CUEDC1: variants seen among roughly 807,000 people sequenced by gnomAD.
The protein encoded by CUEDC1 is CUE domain containing 1.
Under a neutral mutation model 43.7 loss-of-function variants are expected in CUEDC1, and 30 were observed. That is an observed-to-expected ratio of 0.69 (90% confidence interval 0.51 to 0.93). The LOEUF is 0.93. Ranked by LOEUF, CUEDC1 falls within the 40% of genes least tolerant of loss-of-function variation. The pLI, the probability that CUEDC1 is intolerant of heterozygous loss-of-function variation, is 0.00. For synonymous variants in CUEDC1, 223 were observed against 223.6 expected (o/e 1.00, Z 0.02); for missense variants, 486 against 549.0 (o/e 0.89, Z 1.15).
intron 1 of CUEDC1, among the ~76,000 whole-genome samples, chr17:57,944,795 G>A (rs1057407407): frequency 6.6e-5 from 10 of 152,252 alleles, no homozygotes; most frequent in African/African-American, 1.9e-4. Context: ...GAAGTCCCAC[G>A]GATCAGCATC....
intron 1 of CUEDC1, among the ~76,000 whole-genome samples, chr17:57,894,236 T>C (rs1568040402): frequency 6.6e-6 from 1 of 152,030 alleles, no homozygotes; most frequent in Non-Finnish European, 1.5e-5. Flanking sequence ...GGGGTGAGGC[T>C]GGGGGCAGCC....
intron 1 of CUEDC1, among the ~76,000 whole-genome samples, chr17:57,925,251 A>AG (rs946889235): frequency 6.1e-4 from 93 of 152,304 alleles, no homozygotes; most frequent in African/African-American, 2.1e-3. Flanking sequence ...TAAACTACCC[A>AG]GGGGGCAAGG....
chr17:57,913,519 T>A (rs1259062283), intron 1 of CUEDC1, among the ~76,000 whole-genome samples: 1 of 152,026 alleles, frequency 6.6e-6, no homozygotes, highest in South Asian at 2.1e-4. Flanking sequence ...TGAATCAGAA[T>A]TTCCTGAGGT....
intron 3 of CUEDC1, among the ~76,000 whole-genome samples, chr17:57,874,442 C>T (rs181674205): frequency 7.2e-5 from 11 of 152,330 alleles, no homozygotes; most frequent in African/African-American, 2.6e-4. Context: ...TCTGGGGCCG[C>T]TCTTTCCAGG....
chr17:57,880,132 G>T (rs943837113), intron 2 of CUEDC1, among the ~76,000 whole-genome samples: 1 of 152,208 alleles, frequency 6.6e-6, no homozygotes, highest in African/African-American at 2.4e-5. Context: ...GGGGATGATG[G>T]TTATTGAGCT....
intron 1 of CUEDC1, among the ~76,000 whole-genome samples, chr17:57,933,592 T>G (rs1047895847): frequency 6.6e-6 from 1 of 152,170 alleles, no homozygotes; most frequent in Admixed American, 6.5e-5. Flanking sequence ...TGATCTAGCC[T>G]TGGAACGAGA....
At chr17:57,874,869 G>C (rs1028465060) in intron 3 of CUEDC1, among the ~76,000 whole-genome samples, 5 of 151,930 alleles carry the variant, frequency 3.3e-5, no homozygotes, top group African/African-American at 1.2e-4. Flanking sequence ...CGGCGGGGGC[G>C]AGGGGAAGGG....
chr17:57,917,051 A>G (rs1336883368), intron 1 of CUEDC1, among the ~76,000 whole-genome samples: 2 of 152,224 alleles, frequency 1.3e-5, no homozygotes, highest in East Asian at 3.9e-4. Flanking sequence ...TGAGCAGGCT[A>G]AGCGCCTGAG....
In CUEDC1 at chr17:57,879,640, G is replaced by A; in HGVS notation, c.435C>T (p.Tyr145=). The A allele has an allele frequency of 6.2e-7, 1 of 1,604,612 alleles. No individual in the cohort carries two copies. Among genetic ancestry groups the A allele is most frequent in the African/African-American group, 1.3e-5 (1 of 74,276 alleles). The change falls in exon 3 of 11, where the codon TAC becomes TAT. Residue 145 remains tyrosine, a synonymous_variant. Transcript: ENST00000577830. ...AYHMHVFDRP[Y]PLAPPTPPPR... The stretch of plus-strand genomic sequence containing the variant: ...GAGGCGGAGTCGGGGGAGCCAGAGG[G>A]TAGGGCCGGTCGAACACGTGCATGT...
chr17:57,932,236 C>G (rs746821709), intron 1 of CUEDC1, among the ~76,000 whole-genome samples: 2 of 147,820 alleles, frequency 1.4e-5, no homozygotes, highest in South Asian at 4.3e-4. Context: ...GAGCCGAGAT[C>G]GCGCGACAGC....
chr17:57,929,191 T>A (rs2074778997), intron 1 of CUEDC1, among the ~76,000 whole-genome samples: 1 of 152,182 alleles, frequency 6.6e-6, no homozygotes. Context: ...AAATTCTGTG[T>A]GCTGGGCTCT....
intron 1 of CUEDC1, among the ~76,000 whole-genome samples, chr17:57,927,299 A>T (rs1598014600): frequency 7.0e-6 from 1 of 143,326 alleles, no homozygotes; most frequent in Admixed American, 7.2e-5. Context: ...CCTCCTCCCC[A>T]CTCCCCCCGG....
At chr17:57,907,189 G>A (rs2074538182) in intron 1 of CUEDC1, among the ~76,000 whole-genome samples, 3 of 152,170 alleles carry the variant, frequency 2.0e-5, no homozygotes, top group Admixed American at 2.0e-4. Context: ...ATGCCACAAG[G>A]CTGGGGGAGA....
At chr17:57,903,841 T>C (rs916506835) in intron 1 of CUEDC1, among the ~76,000 whole-genome samples, 1 of 150,328 alleles carries the variant, frequency 6.7e-6, no homozygotes, top group Non-Finnish European at 1.5e-5. Flanking sequence ...GAGGGTGAGA[T>C]GGGAGGATTA....
intron 1 of CUEDC1, among the ~76,000 whole-genome samples, chr17:57,950,411 C>G (rs1009719836): frequency 2.0e-5 from 3 of 152,010 alleles, no homozygotes; most frequent in African/African-American, 7.3e-5. Context: ...CCTCAGCCTG[C>G]TAAAGTGCTA....
intron 1 of CUEDC1, among the ~76,000 whole-genome samples, chr17:57,935,774 A>T (rs1430652219): frequency 6.6e-6 from 1 of 151,926 alleles, no homozygotes; most frequent in South Asian, 2.1e-4. Flanking sequence ...TGGCCGTCCC[A>T]CCCCAATTCC....
chr17:57,918,586 T>C (rs992296156), intron 1 of CUEDC1, among the ~76,000 whole-genome samples: 2 of 152,224 alleles, frequency 1.3e-5, no homozygotes, highest in Non-Finnish European at 2.9e-5. Context: ...CAGGGACACC[T>C]GTTTAACCTG....
Position 57,954,230 on chromosome 17 carries a change from A to C in CUEDC1, c.-316+995T>G, listed in dbSNP as rs1408609132. ...TCATTCCTCTCGCTACAAGACGCTGACTGCGGATCAGGTGGGGAGCACGGT... is the reference window on the plus strand; with the variant it reads ...TCATTCCTCTCGCTACAAGACGCTGCCTGCGGATCAGGTGGGGAGCACGGT... On this transcript the variant is annotated intron_variant, in intron 1 of 10. Transcript: ENST00000577830. The surrounding 1 kb of genome is among the most constrained non-coding windows in gnomAD (Gnocchi z 4.3). Among the ~76,000 whole-genome samples, 1 of 152,174 alleles carries C rather than the reference A, an allele frequency of 6.6e-6. No homozygotes were observed. Among genetic ancestry groups the C allele is most frequent in the Non-Finnish European group, 1.5e-5 (1 of 68,030 alleles).
intron 1 of CUEDC1, among the ~76,000 whole-genome samples, chr17:57,951,128 C>T (rs1410744259): frequency 7.3e-6 from 1 of 137,418 alleles, no homozygotes; most frequent in Non-Finnish European, 1.6e-5. Context: ...CTTCCAAAAT[C>T]CACCCTCAGC....
Sources: gnomAD v4.1 joint callset for allele counts (sites outside exome capture counted in the v4.1 genomes callset) on GRCh38, gnomAD v4.1.1 for gene constraint, Gnocchi (gnomAD v3.1) non-coding constraint, MANE v1.5 for transcripts, NCBI Gene and HGNC (gene_info 2026-07-23, HGNC 2026-07-21) for gene names.